ARHGAP32: variants seen among roughly 807,000 people sequenced by gnomAD.
ARHGAP32 encodes the protein rho GTPase-activating protein 32.
ARHGAP32 carries 51 observed loss-of-function variants against 186.5 expected under a neutral mutation model. The observed-to-expected ratio is 0.27, with a 90% confidence interval of 0.22 to 0.35. ARHGAP32 has a LOEUF of 0.35. Ranked by LOEUF, ARHGAP32 falls within the 10% of genes least tolerant of loss-of-function variation. ARHGAP32 has a pLI of 1.00. For missense variants in ARHGAP32, 2,186 were observed against 2,623.5 expected, an observed-to-expected ratio of 0.83 and a Z score of 3.64; for synonymous variants, 950 against 964.3, an observed-to-expected ratio of 0.99 and a Z score of 0.27.
chr11:129,010,365 C>A (rs1057373580), intron 11 of ARHGAP32, among the ~76,000 whole-genome samples: 8 of 152,126 alleles, frequency 5.3e-5, no homozygotes, highest in Non-Finnish European at 8.8e-5. Flanking sequence ...GAAATCTTTG[C>A]CCATACCTAT....
chr11:129,236,538 T>C (rs1048928554), intron 1 of ARHGAP32, among the ~76,000 whole-genome samples: 1 of 152,196 alleles, frequency 6.6e-6, no homozygotes, highest in Non-Finnish European at 1.5e-5. Context: ...TGCTGATTAT[T>C]TCTTTTGCTG....
chr11:129,161,364 C>A (rs954812106), intron 2 of ARHGAP32, among the ~76,000 whole-genome samples: 1 of 151,954 alleles, frequency 6.6e-6, no homozygotes, highest in Non-Finnish European at 1.5e-5. Flanking sequence ...TCAGAGTGAA[C>A]AGGCAACCTA....
intron 19 of ARHGAP32, 53 bp downstream of exon 19, chr11:128,978,717 C>A: frequency 6.5e-7 from 1 of 1,543,936 alleles, no homozygotes; most frequent in Non-Finnish European, 8.7e-7. Context: ...GTGCCCAGAA[C>A]AACCGAAGAC....
At chr11:129,009,905 CAATGGTTGAACT>C (rs1231470374) in intron 11 of ARHGAP32, among the ~76,000 whole-genome samples, 1 of 152,190 alleles carries the variant, frequency 6.6e-6, no homozygotes, top group African/African-American at 2.4e-5. Context: ...CTGTCTTCTG[CAATGGTTGAACT>C]AATTTACATT....
At chr11:129,134,429 T>G (rs1222996951) in intron 2 of ARHGAP32, among the ~76,000 whole-genome samples, 1 of 152,132 alleles carries the variant, frequency 6.6e-6, no homozygotes, top group African/African-American at 2.4e-5. Context: ...TGTGCACATG[T>G]GAAATTTGAA....
At chr11:129,244,547 C>T (rs1311005028) in intron 1 of ARHGAP32, among the ~76,000 whole-genome samples, 1 of 152,134 alleles carries the variant, frequency 6.6e-6, no homozygotes, top group Non-Finnish European at 1.5e-5. Context: ...GCAAGAACTT[C>T]ATGTCTAAAA....
chr11:129,060,501 T>C (rs901724879), intron 10 of ARHGAP32, among the ~76,000 whole-genome samples: 22 of 152,196 alleles, frequency 1.4e-4, no homozygotes, highest in African/African-American at 5.1e-4. Context: ...CTTAAGTCTA[T>C]TGTTCATTTC....
chr11:128,973,561 G>T, intron 21 of ARHGAP32, 129 bp from the exon 22 acceptor site: 1 of 966,156 alleles, frequency 1.0e-6, no homozygotes, highest in Non-Finnish European at 1.5e-6. Context: ...GGCAATCCAT[G>T]ATCTTCTATC....
intron 1 of ARHGAP32, among the ~76,000 whole-genome samples, chr11:129,239,041 C>T (rs536271101): frequency 5.9e-5 from 9 of 152,018 alleles, no homozygotes; most frequent in Admixed American, 3.3e-4. Context: ...ATACAGACGA[C>T]GTTTCACTAT....
chr11:128,975,378 G>A (rs1288499225), intron 20 of ARHGAP32, among the ~76,000 whole-genome samples: 1 of 151,966 alleles, frequency 6.6e-6, no homozygotes, highest in Non-Finnish European at 1.5e-5. Flanking sequence ...CTTATGAGGT[G>A]GAATTAATCA....
At chr11:129,004,499 A>ATC (rs1937659708) in intron 11 of ARHGAP32, among the ~76,000 whole-genome samples, 1 of 152,058 alleles carries the variant, frequency 6.6e-6, no homozygotes, top group South Asian at 2.1e-4. Flanking sequence ...ATTGGGATCT[A>ATC]TCTCTCTCTT....
At position 128,968,617 on chromosome 11, in the gene ARHGAP32, C is replaced by T. The variant is rs1037840839; in HGVS notation, c.*290G>A. The T allele has an allele frequency of 7.8e-6, 2 of 255,864 alleles. No homozygotes were observed. The highest frequency in any genetic ancestry group is 4.4e-5 in the African/African-American group (2 of 45,206). The allele number at this position is 255,864 out of a possible 1,614,324, so 15.8% of individuals were successfully genotyped here. A position where few individuals can be genotyped will look rare whatever the true frequency, so the allele number is the denominator to read the frequency against. ...CAGTCCTCAGGCTCTTTCAAGCTAG[C>T]CCTAGATGGCAAGTGTGTCCTGAGA... On this transcript the variant is annotated 3_prime_UTR_variant, in exon 23 of 23. Coordinates refer to ENST00000682385, the MANE Select transcript of ARHGAP32 (RefSeq NM_001378024.1).
chr11:129,225,228 G>A (rs939723494), intron 1 of ARHGAP32, among the ~76,000 whole-genome samples: 2 of 152,172 alleles, frequency 1.3e-5, no homozygotes, highest in Admixed American at 6.6e-5. Context: ...TGAGAAGTAA[G>A]ATGCCCATGG....
intron 5 of ARHGAP32, among the ~76,000 whole-genome samples, chr11:129,100,768 G>A (rs765175121): frequency 1.3e-5 from 2 of 152,050 alleles, no homozygotes; most frequent in Non-Finnish European, 2.9e-5. Flanking sequence ...CTAGACCTGC[G>A]CCCACCAGCT....
intron 1 of ARHGAP32, among the ~76,000 whole-genome samples, chr11:129,229,662 G>A (rs1467495549): frequency 1.3e-5 from 2 of 151,952 alleles, no homozygotes; most frequent in East Asian, 1.9e-4. Context: ...CTAGGCTAGG[G>A]GCCACAGGAA....
intron 19 of ARHGAP32, 39 bp downstream of exon 19, chr11:128,978,731 C>T (rs1475639535): frequency 1.9e-6 from 3 of 1,571,592 alleles, no homozygotes; most frequent in Non-Finnish European, 2.6e-6. Context: ...CGAAGACCAT[C>T]ATGACAGCAG....
chr11:129,018,135 T>C (rs1176178496), intron 11 of ARHGAP32, among the ~76,000 whole-genome samples: 1 of 152,190 alleles, frequency 6.6e-6, no homozygotes, highest in East Asian at 1.9e-4. Context: ...AATACTTTTA[T>C]ACTCCTACTT....
chr11:129,066,514 TGTTATGAGTTGTTTTCCCTTATAAAA>T (rs1201660058), intron 7 of ARHGAP32, among the ~76,000 whole-genome samples, 191 bp downstream of exon 7: 1 of 152,058 alleles, frequency 6.6e-6, no homozygotes, highest in African/African-American at 2.4e-5. Flanking sequence ...GTTGATATAT[TGTTATGAGTTGTTTTCCCTTATAAAA>T]TTACACACTG....
chr11:129,191,921 G>A (rs1424895316), intron 1 of ARHGAP32, among the ~76,000 whole-genome samples, 162 bp downstream of exon 1: 2 of 152,050 alleles, frequency 1.3e-5, no homozygotes, highest in South Asian at 4.2e-4. Context: ...GTGGAATGAG[G>A]AGTGCTATAT....
Sources: allele counts gnomAD v4.1 joint callset (sites outside exome capture counted in the v4.1 genomes callset), GRCh38; gene constraint gnomAD v4.1.1; transcripts MANE v1.5; gene names NCBI Gene and HGNC (gene_info 2026-07-23, HGNC 2026-07-21).